The following GPC5 variants were observed in gnomAD, a reference collection of about 807,000 sequenced individuals.
GPC5 encodes glypican-5.
GPC5 carries 47 observed loss-of-function variants against 53.9 expected under a neutral mutation model. The ratio of observed to expected loss-of-function variants is 0.87; its 90% CI spans 0.69 to 1.11. The LOEUF (loss-of-function observed/expected upper bound fraction) is 1.11, where lower values mean the gene tolerates loss of function less well. Ranked by LOEUF, GPC5 falls within the 50% of genes most tolerant of loss-of-function variation. The pLI is 0.00. For missense variants in GPC5, 748 were observed against 713.1 expected (o/e 1.05, Z -0.56); for synonymous variants, 286 against 263.3 (o/e 1.09, Z -0.84).
chr13:92,297,258 G>A (rs1214670753), intron 7 of GPC5, among the ~76,000 whole-genome samples: 2 of 152,150 alleles, frequency 1.3e-5, no homozygotes, highest in Non-Finnish European at 2.9e-5. Flanking sequence ...CTGCTCTGGT[G>A]AGGACGTGGA....
intron 6 of GPC5, among the ~76,000 whole-genome samples, chr13:92,087,805 T>C (rs2041347665): frequency 6.6e-6 from 1 of 152,202 alleles, no homozygotes; most frequent in Non-Finnish European, 1.5e-5. Flanking sequence ...GGCAAAATGA[T>C]TGAGGTAGAA....
chr13:91,559,648 A>G (rs777365092), intron 2 of GPC5, among the ~76,000 whole-genome samples: 4 of 152,124 alleles, frequency 2.6e-5, no homozygotes, highest in Non-Finnish European at 2.9e-5. Context: ...TGAACCCCTA[A>G]GTCATTCTGA....
At chr13:92,506,091 A>G (rs530896554) in intron 7 of GPC5, among the ~76,000 whole-genome samples, 1 of 152,274 alleles carries the variant, frequency 6.6e-6, no homozygotes, top group Non-Finnish European at 1.5e-5. Flanking sequence ...TGTATGCCAC[A>G]TTAAAGGTCA....
At chr13:91,613,204 G>A (rs372037251) in intron 2 of GPC5, among the ~76,000 whole-genome samples, 3 of 152,080 alleles carry the variant, frequency 2.0e-5, no homozygotes, top group Non-Finnish European at 2.9e-5. Flanking sequence ...AACACATCCC[G>A]GCAATTTATA....
At chr13:91,768,620 G>A (rs192677298) in intron 5 of GPC5, among the ~76,000 whole-genome samples, 129 of 152,180 alleles carry the variant, frequency 8.5e-4, no homozygotes, top group African/African-American at 3.0e-3. Context: ...GTGAAATATT[G>A]TTCATTTTTG....
chr13:91,794,430 A>G (rs916661970), intron 5 of GPC5, among the ~76,000 whole-genome samples: 62 of 152,208 alleles, frequency 4.1e-4, no homozygotes, highest in African/African-American at 1.5e-3. Context: ...CGATTCTAAC[A>G]CCTATAAACC....
intron 7 of GPC5, among the ~76,000 whole-genome samples, chr13:92,831,756 A>G (rs1878051854): frequency 6.6e-6 from 1 of 152,170 alleles, no homozygotes; most frequent in Admixed American, 6.5e-5. Context: ...TGTATTTCTA[A>G]GATACGATTT....
At chr13:92,732,445 A>G (rs555547078) in intron 7 of GPC5, among the ~76,000 whole-genome samples, 2 of 151,722 alleles carry the variant, frequency 1.3e-5, no homozygotes, top group African/African-American at 4.8e-5. Context: ...AATTAGGGTT[A>G]GCCACTAAAT....
chr13:91,841,166 T>C (rs1183215758), intron 5 of GPC5, among the ~76,000 whole-genome samples: 2 of 151,822 alleles, frequency 1.3e-5, no homozygotes, highest in Admixed American at 6.6e-5. Flanking sequence ...CACAGACAGA[T>C]GAATTAGGAT....
chr13:92,581,776 A>T (rs9523718), intron 7 of GPC5, among the ~76,000 whole-genome samples: 1 of 151,954 alleles, frequency 6.6e-6, no homozygotes. Flanking sequence ...GTGAGATGAT[A>T]CCTTAGTATG....
At chr13:92,190,796 A>G (rs1232096403) in intron 7 of GPC5, among the ~76,000 whole-genome samples, 1 of 152,136 alleles carries the variant, frequency 6.6e-6, no homozygotes, top group Non-Finnish European at 1.5e-5. Context: ...CAGAAGGTAG[A>G]AGAAAAACAA....
intron 6 of GPC5, among the ~76,000 whole-genome samples, chr13:92,099,293 G>T (rs892086987): frequency 2.6e-5 from 4 of 152,112 alleles, no homozygotes; most frequent in African/African-American, 9.7e-5. Flanking sequence ...AAAATTATGT[G>T]TAAAGCTATC....
intron 6 of GPC5, among the ~76,000 whole-genome samples, chr13:92,125,924 GTTTTTTTTTTTTTTTTTTTTTTTT>G (rs1190169532): frequency 5.3e-5 from 4 of 75,820 alleles, no homozygotes; most frequent in African/African-American, 2.1e-4. Flanking sequence ...TTGTTTTTTG[GTTTTTTTTTTTTTTTTTTTTTTTT>G]TTTTTTTTTT....
At chr13:92,758,549 G>A (rs1264948098) in intron 7 of GPC5, among the ~76,000 whole-genome samples, 4 of 152,070 alleles carry the variant, frequency 2.6e-5, no homozygotes, top group Non-Finnish European at 5.9e-5. Context: ...ATCATGGGCC[G>A]AAAATTATGA....
At chr13:92,382,671 C>T (rs1358025094) in intron 7 of GPC5, among the ~76,000 whole-genome samples, 1 of 152,100 alleles carries the variant, frequency 6.6e-6, no homozygotes, top group Non-Finnish European at 1.5e-5. Context: ...CCACAGTTAG[C>T]TCTCATCAGT....
At chr13:92,166,603 T>A (rs995168963) in intron 7 of GPC5, among the ~76,000 whole-genome samples, 1 of 152,068 alleles carries the variant, frequency 6.6e-6, no homozygotes, top group Non-Finnish European at 1.5e-5. Context: ...CCAAGAGAAC[T>A]GTGAGGTGAC....
intron 7 of GPC5, among the ~76,000 whole-genome samples, chr13:92,451,442 A>C (rs2139398816): frequency 6.6e-6 from 1 of 152,248 alleles, no homozygotes; most frequent in South Asian, 2.1e-4. Context: ...ATTTACATGA[A>C]GACATGTAAA....
intron 2 of GPC5, among the ~76,000 whole-genome samples, chr13:91,665,793 A>G: frequency 6.6e-6 from 1 of 152,182 alleles, no homozygotes; most frequent in South Asian, 2.1e-4. Context: ...GCATGAGCCA[A>G]GGCGCCTGGC....
intron 7 of GPC5, among the ~76,000 whole-genome samples, chr13:92,222,567 CTG>C (rs1011858654): frequency 1.3e-5 from 2 of 152,094 alleles, no homozygotes; most frequent in African/African-American, 4.8e-5. Flanking sequence ...ATTTCTTTCA[CTG>C]TTGTATTTTT....
Sources: gnomAD v4.1 joint callset for allele counts (sites outside exome capture counted in the v4.1 genomes callset) on GRCh38, gnomAD v4.1.1 for gene constraint, MANE v1.5 for transcripts, NCBI Gene and HGNC (gene_info 2026-07-23, HGNC 2026-07-21) for gene names.